PRTG: variants seen among roughly 807,000 people sequenced by gnomAD.
The protein encoded by PRTG is protogenin, also known as immunoglobulin superfamily, DCC subclass, member 5.
Under a neutral mutation model 122.5 loss-of-function variants are expected in PRTG, and 67 were observed. The ratio of observed to expected loss-of-function variants is 0.55; its 90% CI spans 0.45 to 0.67. The LOEUF (loss-of-function observed/expected upper bound fraction) is 0.67, where lower values mean the gene tolerates loss of function less well. PRTG is among the 30% of genes least tolerant of loss of function. The pLI is 0.00. For missense variants in PRTG, 1,435 were observed against 1,415.4 expected (o/e 1.01, Z -0.22); for synonymous variants, 554 against 501.1 (o/e 1.11, Z -1.41).
At chr15:55,675,478 G>A (rs1461625596) in intron 9 of PRTG, 41 bp downstream of exon 9, 4 of 1,386,788 alleles carry the variant, frequency 2.9e-6, no homozygotes, top group Non-Finnish European at 2.0e-6. Flanking sequence ...CAAAACATAC[G>A]AATGTTCATA....
intron 2 of PRTG, among the ~76,000 whole-genome samples, chr15:55,704,897 T>C (rs1443116011): frequency 1.3e-5 from 2 of 152,198 alleles, no homozygotes; most frequent in African/African-American, 2.4e-5. Flanking sequence ...AAAGTAGACA[T>C]AGACTTCTGA....
intron 11 of PRTG, among the ~76,000 whole-genome samples, chr15:55,646,532 A>T (rs1258888992): frequency 7.1e-6 from 1 of 140,732 alleles, no homozygotes; most frequent in Non-Finnish European, 1.6e-5. Context: ...CCGTGTTAAC[A>T]AGGATGGTCT....
chr15:55,699,858 C>T (rs1295625051), intron 2 of PRTG, among the ~76,000 whole-genome samples: 1 of 152,098 alleles, frequency 6.6e-6, no homozygotes, highest in Admixed American at 6.6e-5. Context: ...ACAAAATATA[C>T]GAAAACAAGA....
chr15:55,722,695 T>C (rs1013310069), intron 2 of PRTG, among the ~76,000 whole-genome samples: 2 of 152,178 alleles, frequency 1.3e-5, no homozygotes, highest in Non-Finnish European at 2.9e-5. Context: ...TGGAAAATCG[T>C]AGACTGAATA....
At chr15:55,628,749 A>G (rs2059209229) in intron 16 of PRTG, 73 bp downstream of exon 16, 1 of 1,177,154 alleles carries the variant, frequency 8.5e-7, no homozygotes, top group East Asian at 2.4e-5. Flanking sequence ...CAATTGTAGG[A>G]GCAGAAATAA....
chr15:55,720,617 G>T (rs1246318755), intron 2 of PRTG, among the ~76,000 whole-genome samples: 2 of 152,112 alleles, frequency 1.3e-5, no homozygotes, highest in Non-Finnish European at 2.9e-5. Flanking sequence ...CCTAGGAGTT[G>T]ATTCTGGGCC....
At position 55,612,737 on chromosome 15, in the gene PRTG, T is replaced by TATATATATATAC. The variant is rs2059126340; in HGVS notation, c.*7274_*7275insGTATATATATAT. On this transcript the variant is annotated 3_prime_UTR_variant, in exon 20 of 20. Transcript: ENST00000389286. ...ATATATATATATATATATATATATA[T>TATATATATATAC]ATATATATATATGACTTAAATTGGA... is the stretch of plus-strand genomic sequence containing the variant. 18 of 54,322 alleles carry TATATATATATAC rather than the reference T, an allele frequency of 3.3e-4. No individual in the cohort carries two copies. Among genetic ancestry groups the TATATATATATAC allele is most frequent in the African/African-American group, 7.8e-4 (17 of 21,676 alleles). The allele number at this position is 54,322 out of a possible 1,614,324, so 3.4% of individuals were successfully genotyped here. A position where few individuals can be genotyped will look rare whatever the true frequency, so the allele number is the denominator to read the frequency against.
Position 55,683,785 on chromosome 15 carries a change from ACCTGTCCATAGT to A in PRTG, c.532_542+1del. ...TCTCCAAAGACAAAAATCTACATCTACCTGTCCATAGTCATAGGTAGAGTTGTCCGATTGAAC... is the reference window on the plus strand; with the variant it reads ...TCTCCAAAGACAAAAATCTACATCTACATAGGTAGAGTTGTCCGATTGAAC... On this transcript the variant is annotated splice_donor_variant and coding_sequence_variant, in exon 3 of 20. Transcript: ENST00000389286. LOFTEE classifies it high-confidence loss of function. 1 of 1,609,786 alleles carries A rather than the reference ACCTGTCCATAGT, an allele frequency of 6.2e-7. No homozygotes were observed. The highest frequency in any genetic ancestry group is 1.7e-4 in the Middle Eastern group (1 of 6,046).
chr15:55,624,441 T>G lies in PRTG; in HGVS notation c.2994A>C (p.Leu998Phe). 1.9e-6 allele frequency: 3 copies of G among 1,613,834 alleles called. No individual in the cohort carries two copies. Among genetic ancestry groups the G allele is most frequent in the Non-Finnish European group, 2.5e-6 (3 of 1,179,720 alleles). Reference sequence around the variant, plus strand: ...TCTTTCCTACCTCATTTCCACTAGCTAAGGAGGCACTGGTACGAGGTAACT... The same window carrying G: ...TCTTTCCTACCTCATTTCCACTAGCGAAGGAGGCACTGGTACGAGGTAACT... ...TQQLPRTSAS[L>F]ASGNEVGKNL... is the part of the protein sequence containing the mutation. Residue 998 changes from leucine to phenylalanine, a missense_variant, in exon 18 of 20, where the codon TTA becomes TTC. Transcript: ENST00000389286.
At chr15:55,682,970 A>T (rs182707376) in intron 3 of PRTG, among the ~76,000 whole-genome samples, 1 of 152,186 alleles carries the variant, frequency 6.6e-6, no homozygotes, top group Non-Finnish European at 1.5e-5. Flanking sequence ...GCTTGATTCT[A>T]TTGTTTTCAT....
chr15:55,699,013 T>C, intron 2 of PRTG, among the ~76,000 whole-genome samples: 1 of 152,174 alleles, frequency 6.6e-6, no homozygotes, highest in East Asian at 1.9e-4. Context: ...CAGCAACTGC[T>C]GCCATTCCTT....
At chr15:55,738,003 TATATATA>T (rs1567121667) in intron 2 of PRTG, among the ~76,000 whole-genome samples, 13 of 76,826 alleles carry the variant, frequency 1.7e-4, no homozygotes, top group African/African-American at 4.3e-4. Flanking sequence ...TCTCTCTCTC[TATATATA>T]TATATATATA....
intron 2 of PRTG, among the ~76,000 whole-genome samples, chr15:55,687,106 A>G (rs1175229889): frequency 6.6e-6 from 1 of 152,248 alleles, no homozygotes; most frequent in Admixed American, 6.5e-5. Flanking sequence ...TAAAAAAAAT[A>G]TACTTTCTGA....
chr15:55,689,895 T>G (rs2059591140), intron 2 of PRTG, among the ~76,000 whole-genome samples: 1 of 145,786 alleles, frequency 6.9e-6, no homozygotes, highest in South Asian at 2.2e-4. Flanking sequence ...ACCACTACAC[T>G]CCAGCGTGGG....
chr15:55,678,466 A>C (rs1435279695), intron 7 of PRTG, among the ~76,000 whole-genome samples: 2 of 152,144 alleles, frequency 1.3e-5, no homozygotes, highest in Non-Finnish European at 2.9e-5. Context: ...GGTTGGTCTT[A>C]AATTCCTAGG....
rs552369804 is a variant in PRTG, at chr15:55,639,631, G to C, written c.2324+11C>G. On this transcript the variant is annotated intron_variant, in intron 13 of 19. Coordinates refer to ENST00000389286, the MANE Select transcript of PRTG (RefSeq NM_173814.6). ...AAGCAAAGAAAATAACCATTAACAG[G>C]AGCTACATACGTTTGAAGGTACAGA... The C allele has an allele frequency of 3.0e-5, 49 of 1,610,000 alleles. No homozygotes were observed. The East Asian group carries it at 4.2e-4, about 14-fold the overall frequency.
At chr15:55,627,173 A>G (rs748740140) in intron 16 of PRTG, 45 bp from the exon 17 acceptor site, 4 of 1,431,112 alleles carry the variant, frequency 2.8e-6, no homozygotes, top group East Asian at 2.6e-5. Flanking sequence ...AGAAAAATAA[A>G]TTATTTAATT....
At chr15:55,662,405 G>C (rs1473381089) in intron 11 of PRTG, among the ~76,000 whole-genome samples, 2 of 152,168 alleles carry the variant, frequency 1.3e-5, no homozygotes, top group Non-Finnish European at 2.9e-5. Context: ...TTTAAAAAAG[G>C]TTTTCAAATA....
At chr15:55,639,497 C>A in intron 13 of PRTG, 145 bp downstream of exon 13, 2 of 618,402 alleles carry the variant, frequency 3.2e-6, no homozygotes, top group Non-Finnish European at 5.6e-6. Context: ...TGCAAAACTC[C>A]TAGCCACTTC....
Sources: allele counts gnomAD v4.1 joint callset (sites outside exome capture counted in the v4.1 genomes callset), GRCh38; gene constraint gnomAD v4.1.1; transcripts MANE v1.5; gene names NCBI Gene and HGNC (gene_info 2026-07-23, HGNC 2026-07-21).